The following CACNA1E variants were observed in gnomAD, a reference collection of about 807,000 sequenced individuals.
The protein encoded by CACNA1E is voltage-dependent R-type calcium channel subunit alpha-1E.
CACNA1E carries 40 observed loss-of-function variants against 259.2 expected under a neutral mutation model. That is an observed-to-expected ratio of 0.15 (90% CI 0.12 to 0.20). CACNA1E has a LOEUF of 0.20. Ranked by LOEUF, CACNA1E falls within the 10% of genes least tolerant of loss-of-function variation. The pLI is 1.00. For synonymous variants in CACNA1E, 1,104 were observed against 1,138.5 expected, an observed-to-expected ratio of 0.97 and a Z score of 0.61; for missense variants, 1,874 against 3,040.1, an observed-to-expected ratio of 0.62 and a Z score of 9.02.
rs540166104 is a variant in CACNA1E at position 181,429,469 on chromosome 1, A to G, written c.434+15889A>G. Among the ~76,000 whole-genome samples, 163 of 152,266 alleles carry G rather than the reference A, an allele frequency of 1.1e-3. 1 individual carries two copies. The highest frequency in any genetic ancestry group is 6.8e-3 in the Middle Eastern group (2 of 294). On this transcript the variant is annotated intron_variant, in intron 2 of 11. Transcript: ENST00000524607. ...TGAGCCCTCATCTCCACCAGCATCT[A>G]TGCGTAGCTCTGCTGTCTCAGGCGC... is the stretch of plus-strand genomic sequence containing the variant.
At chr1:181,704,271 G>T (rs1572650330) in intron 7 of CACNA1E, among the ~76,000 whole-genome samples, 2 of 152,178 alleles carry the variant, frequency 1.3e-5, no homozygotes, top group South Asian at 2.1e-4. Context: ...TGGGAGAAAT[G>T]GTTCCCCAGG....
At chr1:181,726,258 A>C (rs1334985774) in intron 18 of CACNA1E, 96 bp downstream of exon 18, 1 of 829,468 alleles carries the variant, frequency 1.2e-6, no homozygotes, top group Non-Finnish European at 2.0e-6. Flanking sequence ...TGTACCTACT[A>C]CATGCTGGGA....
At chr1:181,733,117 G>C in intron 20 of CACNA1E, 83 bp downstream of exon 20, 1 of 1,436,848 alleles carries the variant, frequency 7.0e-7, no homozygotes, top group Non-Finnish European at 9.1e-7. Flanking sequence ...CTGAGCTCCA[G>C]TTTCTTCTCC....
At chr1:181,759,439 G>T (rs1412287627) in intron 32 of CACNA1E, among the ~76,000 whole-genome samples, 1 of 150,552 alleles carries the variant, frequency 6.6e-6, no homozygotes, top group Non-Finnish European at 1.5e-5. Flanking sequence ...GGAGTGCAAG[G>T]GGAAGGATTC....
Position 181,758,866 on chromosome 1 carries a change from T to G in CACNA1E, c.4603T>G (p.Leu1535Val). ...CCTGAAGGTCATCGCTTTTGGCTTT[T>G]TGGTATGTTGCTGAATCCTTCCCAG... ...CVLKVIAFGFLNYFRDTWNIF... is the reference protein window; with the variant it reads ...CVLKVIAFGFVNYFRDTWNIF... The change falls in exon 32 of 48, where the codon TTG becomes GTG. Residue 1535 changes from leucine to valine, a missense_variant and splice_region_variant. Coordinates refer to ENST00000367573, the MANE Select transcript of CACNA1E (RefSeq NM_001205293.3). This position sits in a 1 kb window ranked among gnomAD's most constrained non-coding sequence, Gnocchi z 4.2. The G allele has an allele frequency of 6.4e-7, 1 of 1,560,234 alleles. No individual in the cohort carries two copies. The highest frequency in any genetic ancestry group is 8.8e-7 in the Non-Finnish European group (1 of 1,131,148).
At chr1:181,571,578 A>G (rs1650416562) in intron 3 of CACNA1E, among the ~76,000 whole-genome samples, 1 of 152,232 alleles carries the variant, frequency 6.6e-6, no homozygotes, top group South Asian at 2.1e-4. Context: ...CATGGGAATG[A>G]TATTCTGACT....
At chr1:181,645,427 C>T (rs1030189987) in intron 6 of CACNA1E, among the ~76,000 whole-genome samples, 26 of 152,072 alleles carry the variant, frequency 1.7e-4, no homozygotes, top group Admixed American at 9.8e-4. Context: ...GCGTTCCCCA[C>T]CCTCTTTTTT....
At chr1:181,544,921 G>T (rs147960454) in intron 3 of CACNA1E, among the ~76,000 whole-genome samples, 12 of 152,274 alleles carry the variant, frequency 7.9e-5, no homozygotes, top group South Asian at 2.1e-4. Flanking sequence ...AATGTTTGGA[G>T]CCTTAAGCTA....
intron 2 of CACNA1E, among the ~76,000 whole-genome samples, chr1:181,424,532 C>T (rs752385762): frequency 1.2e-4 from 19 of 152,232 alleles, no homozygotes; most frequent in Non-Finnish European, 1.8e-4. Context: ...TGGAGACCGC[C>T]TGTGACAAGG....
At chr1:181,606,555 C>T (rs1654258596) in intron 6 of CACNA1E, among the ~76,000 whole-genome samples, 1 of 152,228 alleles carries the variant, frequency 6.6e-6, no homozygotes, top group South Asian at 2.1e-4. Context: ...AGCTTTCTTC[C>T]TTATTTCTCT....
At chr1:181,740,138 T>C (rs1377577900) in intron 25 of CACNA1E, among the ~76,000 whole-genome samples, 1 of 152,140 alleles carries the variant, frequency 6.6e-6, no homozygotes, top group African/African-American at 2.4e-5. Flanking sequence ...ACAACAGAAT[T>C]CTCAGAGCCA....
At chr1:181,644,041 C>CT (rs1337070652) in intron 6 of CACNA1E, among the ~76,000 whole-genome samples, 1 of 152,200 alleles carries the variant, frequency 6.6e-6, no homozygotes, top group Non-Finnish European at 1.5e-5. Flanking sequence ...CTATGTTTCA[C>CT]TTGGAGCTCT....
intron 1 of CACNA1E, among the ~76,000 whole-genome samples, chr1:181,384,027 G>C (rs1270116670): frequency 6.6e-6 from 1 of 152,220 alleles, no homozygotes; most frequent in Non-Finnish European, 1.5e-5. Flanking sequence ...TGGAGCGAAT[G>C]TGACTGAAAA....
chr1:181,343,126 TGGCTTGAGCAACTG>T (rs1652302527), intron 1 of CACNA1E, among the ~76,000 whole-genome samples: 2 of 151,920 alleles, frequency 1.3e-5, no homozygotes, highest in African/African-American at 4.8e-5. Flanking sequence ...TCCTGGAACT[TGGCTTGAGCAACTG>T]GGTAGATGAG....
chr1:181,597,829 AT>A lies in CACNA1E; in HGVS notation c.951+17059del, dbSNP rs201045607. Among the ~76,000 whole-genome samples, 345 of 152,248 alleles carry A rather than the reference AT, an allele frequency of 2.3e-3. 8 individuals are homozygous for A. In the East Asian group the frequency reaches 0.051, roughly 23 times the overall value. ...TAAGAGCTTGTACAGAAAAACTCCCATTTTTTAAGTAATCAGATCTTGTGAG... is the reference window on the plus strand; with the variant it reads ...TAAGAGCTTGTACAGAAAAACTCCCATTTTTAAGTAATCAGATCTTGTGAG... On this transcript the variant is annotated intron_variant, in intron 6 of 47. Coordinates refer to ENST00000367573, the MANE Select transcript of CACNA1E (RefSeq NM_001205293.3).
intron 2 of CACNA1E, among the ~76,000 whole-genome samples, chr1:181,439,991 C>T (rs1277381246): frequency 6.6e-6 from 1 of 152,054 alleles, no homozygotes; most frequent in Non-Finnish European, 1.5e-5. Context: ...ATGTGGAGTA[C>T]AATCCTTTCG....
chr1:181,509,632 G>A (rs773675704), intron 1 of CACNA1E, among the ~76,000 whole-genome samples: 23 of 152,124 alleles, frequency 1.5e-4, no homozygotes, highest in Non-Finnish European at 2.4e-4. Context: ...CACCTCCCTC[G>A]GAGCATGTGG....
At chr1:181,647,369 T>C (rs970705094) in intron 6 of CACNA1E, among the ~76,000 whole-genome samples, 11 of 152,082 alleles carry the variant, frequency 7.2e-5, no homozygotes, top group African/African-American at 2.7e-4. Flanking sequence ...GTGCAAGTCT[T>C]ACATGAAAGG....
intron 1 of CACNA1E, among the ~76,000 whole-genome samples, chr1:181,344,153 CA>C (rs2102644271): frequency 6.6e-6 from 1 of 152,318 alleles, no homozygotes; most frequent in South Asian, 2.1e-4. Flanking sequence ...AGAATCTCTT[CA>C]CTTCCATCTT....
Sources: gnomAD v4.1 joint callset for allele counts (sites outside exome capture counted in the v4.1 genomes callset) on GRCh38, gnomAD v4.1.1 for gene constraint, Gnocchi (gnomAD v3.1) non-coding constraint, MANE v1.5 for transcripts, NCBI Gene and HGNC (gene_info 2026-07-23, HGNC 2026-07-21) for gene names.